PDPK1: variants seen among roughly 807,000 people sequenced by gnomAD.
PDPK1 encodes the protein 3-phosphoinositide dependent protein kinase 1, also known as 3-phosphoinositide-dependent protein kinase 1.
A neutral mutation model predicts 39.8 loss-of-function variants in PDPK1; 7 were observed. The observed-to-expected ratio is 0.18, with a 90% CI of 0.10 to 0.33. The LOEUF (loss-of-function observed/expected upper bound fraction) is 0.33, where lower values mean the gene tolerates loss of function less well. PDPK1 is among the 10% of genes least tolerant of loss of function. The pLI is 1.00. For missense variants in PDPK1, 182 were observed against 384.7 expected, an observed-to-expected ratio of 0.47 and a Z score of 4.41; for synonymous variants, 118 against 159.1, an observed-to-expected ratio of 0.74 and a Z score of 1.95.
chr16:2,587,928 A>G (rs1301246331), intron 11 of PDPK1, among the ~76,000 whole-genome samples: 2 of 152,082 alleles, frequency 1.3e-5, no homozygotes, highest in Non-Finnish European at 2.9e-5. Flanking sequence ...TTCCCCCCTA[A>G]TATTTTTACC....
chr16:2,601,488 C>T lies in PDPK1; in HGVS notation c.*3721C>T, dbSNP rs1204845886. 4.3e-6 allele frequency: 1 copy of T among 234,368 alleles called. No individual in the cohort carries two copies. Among genetic ancestry groups the T allele is most frequent in the Non-Finnish European group, 8.5e-6 (1 of 117,870 alleles). 14.5% of individuals were successfully genotyped at this position (234,368 alleles called of 1,614,324 possible). A position where few individuals can be genotyped will look rare whatever the true frequency, so the allele number is the denominator to read the frequency against. ...TTGGCAGAATCTTGTACTTCGTGTCCACAATGGTACTGAATTTGCATCTGC... is the reference window on the plus strand; with the variant it reads ...TTGGCAGAATCTTGTACTTCGTGTCTACAATGGTACTGAATTTGCATCTGC... On this transcript the variant is annotated 3_prime_UTR_variant, in exon 14 of 14. Coordinates refer to ENST00000342085, the MANE Select transcript of PDPK1 (RefSeq NM_002613.5).
At chr16:2,556,917 GATGGA>G (rs2066507029) in intron 1 of PDPK1, 1 of 116,002 alleles carries the variant, frequency 8.6e-6, no homozygotes, top group South Asian at 3.3e-4. Flanking sequence ...CCTACTGAGA[GATGGA>G]ATCAAGAGCT....
At chr16:2,586,121 A>T (rs978479213) in intron 10 of PDPK1, among the ~76,000 whole-genome samples, 1 of 152,234 alleles carries the variant, frequency 6.6e-6, no homozygotes, top group African/African-American at 2.4e-5. Context: ...AGGCAGCGTT[A>T]TCTACAGTAA....
Position 2,586,672 on chromosome 16 carries a change from G to T in PDPK1, c.1126-4G>T. On this transcript the variant is annotated splice_region_variant and splice_polypyrimidine_tract_variant and intron_variant, in intron 10 of 13. Coordinates refer to ENST00000342085, the MANE Select transcript of PDPK1 (RefSeq NM_002613.5). Reference sequence around the variant, plus strand: ...CGGTTCTCACTTTCCCTTCTTCTCTGCAGTATGACAATCTCCTGAGCCAGT... The same window carrying T: ...CGGTTCTCACTTTCCCTTCTTCTCTTCAGTATGACAATCTCCTGAGCCAGT... 6.2e-7 allele frequency: 1 copy of T among 1,613,710 alleles called. No individual in the cohort carries two copies. The highest frequency in any genetic ancestry group is 8.5e-7 in the Non-Finnish European group (1 of 1,179,722).
In PDPK1 at chr16:2,601,557, G is replaced by T. The variant is rs2067216019; in HGVS notation, c.*3790G>T. On this transcript the variant is annotated 3_prime_UTR_variant, in exon 14 of 14. Transcript: ENST00000342085. ...AAGTGTTGAACTGACCTTGCCACAT[G>T]CTTAGTGAGTGATTTGTAATTAAGT... The T allele has an allele frequency of 4.3e-6, 1 of 234,408 alleles. No individual in the cohort carries two copies. Among genetic ancestry groups the T allele is most frequent in the African/African-American group, 2.2e-5 (1 of 45,432 alleles). The allele number at this position is 234,408 out of a possible 1,614,324, so 14.5% of individuals were successfully genotyped here. A position where few individuals can be genotyped will look rare whatever the true frequency, so the allele number is the denominator to read the frequency against.
chr16:2,539,215 G>C (rs755962935), intron 1 of PDPK1: 9 of 161,804 alleles, frequency 5.6e-5, no homozygotes, highest in Non-Finnish European at 1.2e-4. Flanking sequence ...GAGTAGCTGG[G>C]ATTACAGGCG....
rs1447547808 is a variant in PDPK1 at position 2,597,390 on chromosome 16, C to T, written c.1554+115C>T. On this transcript the variant is annotated intron_variant, in intron 13 of 13. Transcript: ENST00000342085. The surrounding 1 kb of genome is among the most constrained non-coding windows in gnomAD (Gnocchi z 6.3). ...GCAGCGGGGATCGGGGCAGCTGCCT[C>T]GCCCTTTCCGACATCCCAGACGCCC... is the stretch of plus-strand genomic sequence containing the variant. 13 of 956,360 alleles carry T rather than the reference C, an allele frequency of 1.4e-5. No individual in the cohort carries two copies. The highest frequency in any genetic ancestry group is 4.8e-5 in the East Asian group (2 of 41,352). The allele number at this position is 956,360 out of a possible 1,614,324, so 59.2% of individuals were successfully genotyped here. A position where few individuals can be genotyped will look rare whatever the true frequency, so the allele number is the denominator to read the frequency against.
At chr16:2,540,861 G>A (rs1454858052) in intron 1 of PDPK1, among the ~76,000 whole-genome samples, 1 of 152,260 alleles carries the variant, frequency 6.6e-6, no homozygotes, top group South Asian at 2.1e-4. Flanking sequence ...ACTAGGCAGA[G>A]TGGCCTCCTG....
intron 2 of PDPK1, among the ~76,000 whole-genome samples, chr16:2,560,193 A>G (rs1188903897): frequency 1.3e-5 from 2 of 152,096 alleles, no homozygotes; most frequent in Admixed American, 6.6e-5. Flanking sequence ...CAACGGAAAG[A>G]TCACATCAGT....
rs1394427379 is a variant in PDPK1, at chr16:2,598,107, T to G, written c.*340T>G. The G allele has an allele frequency of 1.4e-5, 5 of 352,754 alleles. No individual in the cohort carries two copies. Among genetic ancestry groups the G allele is most frequent in the Non-Finnish European group, 2.6e-5 (5 of 192,076 alleles). 21.9% of individuals were successfully genotyped at this position (352,754 alleles called of 1,614,324 possible). On this transcript the variant is annotated 3_prime_UTR_variant, in exon 14 of 14. Transcript: ENST00000342085. ...GGACAGACCTGGTGTCACCAGTTTT[T>G]CCTAGCATCAGTCCGAACCATGCGC...
At position 2,601,538 on chromosome 16, in the gene PDPK1, T is replaced by A. The variant is rs1246212146; in HGVS notation, c.*3771T>A. On this transcript the variant is annotated 3_prime_UTR_variant, in exon 14 of 14. Transcript: ENST00000342085. ...CACAGTCAGCAGAGATAACAAGTGT[T>A]GAACTGACCTTGCCACATGCTTAGT... is the stretch of plus-strand genomic sequence containing the variant. 4.3e-6 allele frequency: 1 copy of A among 234,484 alleles called. No homozygotes were observed. The allele number at this position is 234,484 out of a possible 1,614,324, so 14.5% of individuals were successfully genotyped here.
At chr16:2,557,037 G>GT in intron 1 of PDPK1, 1 of 130,464 alleles carries the variant, frequency 7.7e-6, no homozygotes, top group South Asian at 3.0e-4. Context: ...TGCCACCACC[G>GT]TGAGGACACG....
chr16:2,584,556 CAG>C (rs1016651346), intron 10 of PDPK1, among the ~76,000 whole-genome samples: 6 of 148,454 alleles, frequency 4.0e-5, no homozygotes, highest in Non-Finnish European at 6.0e-5. Context: ...TTAGTAGAGA[CAG>C]GGTTTCGCCG....
chr16:2,597,049 C>T lies in PDPK1; in HGVS notation c.1402-74C>T, dbSNP rs2067118029. On this transcript the variant is annotated intron_variant, in intron 12 of 13. Coordinates refer to ENST00000342085, the MANE Select transcript of PDPK1 (RefSeq NM_002613.5). The surrounding 1 kb of genome is among the most constrained non-coding windows in gnomAD (Gnocchi z 6.3). ...TGTCCTGAGCAGCTCCGAGGGGCCG[C>T]CCAGCCCTCTAGGCTCCAGGAGATG... The T allele has an allele frequency of 2.3e-6, 3 of 1,299,566 alleles. No individual in the cohort carries two copies. Among genetic ancestry groups the T allele is most frequent in the African/African-American group, 1.5e-5 (1 of 67,448 alleles). 80.5% of individuals were successfully genotyped at this position (1,299,566 alleles called of 1,614,324 possible).
chr16:2,558,024 C>T, intron 2 of PDPK1, 61 bp downstream of exon 2: 1 of 1,596,294 alleles, frequency 6.3e-7, no homozygotes, highest in East Asian at 2.2e-5. Flanking sequence ...GGCTCACCTT[C>T]CTCGGGGCTT....
At chr16:2,586,357 G>A (rs1211683578) in intron 10 of PDPK1, among the ~76,000 whole-genome samples, 2 of 152,192 alleles carry the variant, frequency 1.3e-5, no homozygotes, top group Non-Finnish European at 2.9e-5. Flanking sequence ...CCCCACCTCC[G>A]GGGGGCAGCA....
At chr16:2,538,932 G>T (rs144854508) in intron 1 of PDPK1, 2 of 413,806 alleles carry the variant, frequency 4.8e-6, no homozygotes, top group African/African-American at 4.2e-5. Flanking sequence ...TGGGGACGAC[G>T]GTTTAAAAAT....
Position 2,597,391 on chromosome 16 carries a change from G to A in PDPK1, c.1554+116G>A, listed in dbSNP as rs1312697507. ...CAGCGGGGATCGGGGCAGCTGCCTCGCCCTTTCCGACATCCCAGACGCCCA... is the reference window on the plus strand; with the variant it reads ...CAGCGGGGATCGGGGCAGCTGCCTCACCCTTTCCGACATCCCAGACGCCCA... On this transcript the variant is annotated intron_variant, in intron 13 of 13. Transcript: ENST00000342085. The surrounding 1 kb of genome is among the most constrained non-coding windows in gnomAD (Gnocchi z 6.3). 50 of 952,990 alleles carry A rather than the reference G, an allele frequency of 5.2e-5. No homozygotes were observed. Among genetic ancestry groups the A allele is most frequent in the Admixed American group, 1.8e-4 (8 of 44,686 alleles). 59.0% of individuals were successfully genotyped at this position (952,990 alleles called of 1,614,324 possible).
intron 11 of PDPK1, among the ~76,000 whole-genome samples, chr16:2,595,540 C>G (rs553343092): frequency 6.6e-6 from 1 of 152,342 alleles, no homozygotes; most frequent in Admixed American, 6.5e-5. Context: ...GTGGATGTCA[C>G]TGGCAGTGAG....
Sources: allele counts gnomAD v4.1 joint callset (sites outside exome capture counted in the v4.1 genomes callset), GRCh38; gene constraint gnomAD v4.1.1; non-coding constraint Gnocchi (gnomAD v3.1); transcripts MANE v1.5; gene names NCBI Gene and HGNC (gene_info 2026-07-23, HGNC 2026-07-21).